Variants in LAMA5 observed in about 807,000 individuals in gnomAD.
The protein encoded by LAMA5 is laminin subunit alpha 5.
A neutral mutation model predicts 433.4 loss-of-function variants in LAMA5; 260 were observed. The ratio of observed to expected loss-of-function variants is 0.60; its 90% CI spans 0.54 to 0.66. The LOEUF (loss-of-function observed/expected upper bound fraction) is 0.66. Ranked by LOEUF, LAMA5 falls within the 30% of genes least tolerant of loss-of-function variation. The pLI is 0.00. For synonymous variants in LAMA5, 2,620 were observed against 2,226.6 expected, an observed-to-expected ratio of 1.18 and a Z score of -4.97; for missense variants, 5,378 against 5,258.5, an observed-to-expected ratio of 1.02 and a Z score of -0.70.
Position 62,311,280 on chromosome 20 carries a change from G to C in LAMA5, c.9970C>G (p.Arg3324Gly), listed in dbSNP as rs115237398. The change falls in exon 73 of 80, where the codon CGG (arginine) becomes GGG (glycine). Residue 3324 changes from arginine (R) to glycine (G), a missense_variant. Coordinates refer to ENST00000252999, the MANE Select transcript of LAMA5 (RefSeq NM_005560.6). ...KASRRSRQPA[R>G]HPACMLPPHL... Reference sequence around the variant, plus strand: ...GGGGGCAGCATGCAGGCAGGATGCCGGGCGGGCTGACGGCTGCGGCGGGAG... The same window carrying C: ...GGGGGCAGCATGCAGGCAGGATGCCCGGCGGGCTGACGGCTGCGGCGGGAG... 1.3e-6 allele frequency: 2 copies of C among 1,597,084 alleles called. No homozygotes were observed. Among genetic ancestry groups the C allele is most frequent in the African/African-American group, 1.3e-5 (1 of 74,230 alleles).
intron 2 of LAMA5, 44 bp from the exon 3 acceptor site, chr20:62,353,295 TC>T: frequency 7.3e-7 from 1 of 1,361,400 alleles, no homozygotes; most frequent in Non-Finnish European, 1.0e-6. Flanking sequence ...GCGCCTGGAT[TC>T]CCATGCTCCC....
chr20:62,339,981 T>C (rs1224463188), intron 11 of LAMA5, among the ~76,000 whole-genome samples: 1 of 151,964 alleles, frequency 6.6e-6, no homozygotes, highest in Non-Finnish European at 1.5e-5. Context: ...CTCAGACAGG[T>C]GGTAAACCGA....
intron 53 of LAMA5, 34 bp from the exon 54 acceptor site, chr20:62,317,812 G>A: frequency 7.5e-7 from 1 of 1,330,146 alleles, no homozygotes; most frequent in East Asian, 2.8e-5. Context: ...GGGACAATGA[G>A]GGGTAAGAAA....
In LAMA5 at chr20:62,347,103, G is replaced by A. The variant is rs558524862; in HGVS notation, c.957-75C>T. On this transcript the variant is annotated intron_variant, in intron 6 of 79. Coordinates refer to ENST00000252999, the MANE Select transcript of LAMA5 (RefSeq NM_005560.6). ...CAGGTGCTCAGTCCCTTCCCTGAAG[G>A]GGCCTGTGATCCCCTCGATGGCTTG... 2.4e-5 allele frequency: 28 copies of A among 1,155,124 alleles called. 1 individual carries two copies. In the African/African-American group the frequency reaches 3.9e-4, roughly 16 times the overall value. 71.6% of individuals were successfully genotyped at this position (1,155,124 alleles called of 1,614,324 possible).
rs376504675 is a variant in LAMA5, at chr20:62,330,753, C to T, written c.3842G>A (p.Arg1281His). The change falls in exon 30 of 80, where the codon CGT becomes CAT. Residue 1281 changes from arginine (R) to histidine (H), a missense_variant. Transcript: ENST00000252999. ...VDPDAEPTLL[R>H]EPQATVVFTT... ...GACTATGGCCCTCACCTGGGGCTCACGCAGCAGGGTGGGCTCTGCATCAGG... is the reference window on the plus strand; with the variant it reads ...GACTATGGCCCTCACCTGGGGCTCATGCAGCAGGGTGGGCTCTGCATCAGG... 1.6e-4 allele frequency: 242 copies of T among 1,560,828 alleles called. No homozygotes were observed. The highest frequency in any genetic ancestry group is 1.9e-4 in the Non-Finnish European group (221 of 1,153,300).
At position 62,322,875 on chromosome 20, in the gene LAMA5, G is replaced by A. The variant is rs560199306; in HGVS notation, c.6065-117C>T. On this transcript the variant is annotated intron_variant, in intron 45 of 79. Coordinates refer to ENST00000252999, the MANE Select transcript of LAMA5 (RefSeq NM_005560.6). ...CTGCTGTGTCTCCTCCAGGCCGCCC[G>A]GACCACCCGGCTACCCACTCGTGTC... is the stretch of plus-strand genomic sequence containing the variant. 766 of 646,550 alleles carry A rather than the reference G, an allele frequency of 1.2e-3. 2 individuals are homozygous for A. The highest frequency in any genetic ancestry group is 1.9e-3 in the South Asian group (90 of 46,900). The allele number at this position is 646,550 out of a possible 1,614,324, so 40.1% of individuals were successfully genotyped here.
In LAMA5 at chr20:62,312,628, T is replaced by C; in HGVS notation, c.9227+4A>G. The C allele has an allele frequency of 1.2e-6, 2 of 1,604,890 alleles. No homozygotes were observed. Among genetic ancestry groups the C allele is most frequent in the Non-Finnish European group, 1.7e-6 (2 of 1,177,128 alleles). ...TCGGAGCCCCAGCTGCGCACAGTGCTTACCTCGGGGGCAGCTGGTCGGGCG... is the reference window on the plus strand; with the variant it reads ...TCGGAGCCCCAGCTGCGCACAGTGCCTACCTCGGGGGCAGCTGGTCGGGCG... On this transcript the variant is annotated splice_donor_region_variant and intron_variant, in intron 67 of 79. Coordinates refer to ENST00000252999, the MANE Select transcript of LAMA5 (RefSeq NM_005560.6).
At chr20:62,355,683 G>A (rs542842991) in intron 2 of LAMA5, among the ~76,000 whole-genome samples, 44 of 152,248 alleles carry the variant, frequency 2.9e-4, no homozygotes, top group African/African-American at 1.0e-3. Flanking sequence ...GCCCTGCCCA[G>A]CAGGGAGGGG....
rs759901114 is a variant in LAMA5 at position 62,345,798 on chromosome 20, G to T, written c.1477+20C>A. ...GGCTCCAGGGCAGGCCGGGGACCTG[G>T]GGGCCTCAAGGACACTTACTCACAA... On this transcript the variant is annotated intron_variant, in intron 11 of 79. Transcript: ENST00000252999. 6.5e-7 allele frequency: 1 copy of T among 1,543,286 alleles called. No individual in the cohort carries two copies. The highest frequency in any genetic ancestry group is 8.8e-7 in the Non-Finnish European group (1 of 1,141,204).
chr20:62,322,323 G>C lies in LAMA5; in HGVS notation c.6292C>G (p.Gln2098Glu). Reference protein sequence around the residue: ...CHCRPGTMGPQCRECAPGYWG... With the variant: ...CHCRPGTMGPECRECAPGYWG... Reference sequence around the variant, plus strand: ...TAGCCAGGGGCACACTCGCGGCACTGGGGTCCCATGGTCCCTGGTCGGCAG... The same window carrying C: ...TAGCCAGGGGCACACTCGCGGCACTCGGGTCCCATGGTCCCTGGTCGGCAG... Residue 2098 changes from glutamine (Q) to glutamate (E), a missense_variant, in exon 47 of 80, where the codon CAG becomes GAG. By Grantham distance (29) the Gln-to-Glu change is conservative. Transcript: ENST00000252999. 1 of 1,599,692 alleles carries C rather than the reference G, an allele frequency of 6.3e-7. No individual in the cohort carries two copies. The highest frequency in any genetic ancestry group is 8.5e-7 in the Non-Finnish European group (1 of 1,175,032).
intron 31 of LAMA5, 37 bp from the exon 32 acceptor site, chr20:62,329,953 T>C (rs1318963739): frequency 6.2e-7 from 1 of 1,601,148 alleles, no homozygotes; most frequent in East Asian, 2.2e-5. Flanking sequence ...GGCCCCCATC[T>C]CTAGCGCCCC....
At chr20:62,335,958 C>T (rs555921636) in intron 18 of LAMA5, among the ~76,000 whole-genome samples, 1 of 116,660 alleles carries the variant, frequency 8.6e-6, no homozygotes, top group Non-Finnish European at 1.8e-5. Context: ...TCATGGGTGC[C>T]ATCCCCTGAG....
chr20:62,316,693 C>G lies in LAMA5; in HGVS notation c.7734G>C (p.Gln2578His), dbSNP rs757970950. ...NSTALEEAML[Q>H]EQQRLGLVWA... is the part of the protein sequence containing the mutation. ...CACCAAGGCCCAGCCTCTGCTGTTC[C>G]TGGAGCATGGCCTCTTCTAGTGCAG... Residue 2578 changes from glutamine to histidine, a missense_variant, in exon 57 of 80, where the codon CAG (glutamine) becomes CAC (histidine). Gln to His is a conservative substitution (Grantham distance 24). Transcript: ENST00000252999. 2 of 1,606,050 alleles carry G rather than the reference C, an allele frequency of 1.2e-6. No homozygotes were observed. Among genetic ancestry groups the G allele is most frequent in the Admixed American group, 3.3e-5 (2 of 59,754 alleles).
chr20:62,341,826 C>CAAAAAAAAAAAAAAAAAAAAAAAAAAA (rs11466846), intron 11 of LAMA5, among the ~76,000 whole-genome samples: 2 of 128,154 alleles, frequency 1.6e-5, no homozygotes, highest in African/African-American at 3.8e-5. Context: ...TCTGATCAAC[C>CAAAAAAAAAAAAAAAAAAAAAAAAAAA]AAAAAAAAAA....
At position 62,323,460 on chromosome 20, in the gene LAMA5, G is replaced by GCAGTTGC. The variant is rs1343373192; in HGVS notation, c.6053_6059dup (p.Cys2020TrpfsTer35). ...CCCTCCCAGCCCGACGCCTACGGGTGCAGTTGCCGGGCAGCAGGGCGTTGC... is the reference window on the plus strand; with the variant it reads ...CCCTCCCAGCCCGACGCCTACGGGTGCAGTTGCCAGTTGCCGGGCAGCAGGGCGTTGC... On this transcript the variant is annotated frameshift_variant, in exon 45 of 80. Transcript: ENST00000252999. LOFTEE classifies it high-confidence loss of function. 6.5e-7 allele frequency: 1 copy of GCAGTTGC among 1,539,488 alleles called. No homozygotes were observed. Among genetic ancestry groups the GCAGTTGC allele is most frequent in the South Asian group, 1.2e-5 (1 of 83,630 alleles).
In LAMA5 at chr20:62,326,969, G is replaced by C; in HGVS notation, c.5113-3C>G. ...AGGGTCCCACCGTAGGATGACACCT[G>C]GAGGCAGGACAGACAGAGGTGACCT... On this transcript the variant is annotated splice_region_variant and splice_polypyrimidine_tract_variant and intron_variant, in intron 38 of 79. Coordinates refer to ENST00000252999, the MANE Select transcript of LAMA5 (RefSeq NM_005560.6). The C allele has an allele frequency of 6.3e-7, 1 of 1,596,982 alleles. No individual in the cohort carries two copies. The highest frequency in any genetic ancestry group is 8.6e-7 in the Non-Finnish European group (1 of 1,167,952).
chr20:62,327,141 C>G, intron 38 of LAMA5, 92 bp downstream of exon 38: 2 of 1,311,004 alleles, frequency 1.5e-6, no homozygotes, highest in African/African-American at 1.5e-5. Flanking sequence ...GGAGCTCCCC[C>G]TCCCTGGACA....
chr20:62,342,252 G>A (rs190400099), intron 11 of LAMA5: 64 of 316,304 alleles, frequency 2.0e-4, no homozygotes, highest in East Asian at 1.2e-3. Context: ...GAAGTGAGCC[G>A]AGATCGTGCA....
intron 48 of LAMA5, among the ~76,000 whole-genome samples, chr20:62,321,750 A>AGGGGTGGGGCCAGTGGG (rs1987831856): frequency 6.3e-4 from 2 of 3,182 alleles, no homozygotes; most frequent in South Asian, 8.5e-3. Flanking sequence ...GGGCCAGTGG[A>AGGGGTGGGGCCAGTGGG]GGGGTGGGGT....
Sources: gnomAD v4.1 joint callset for allele counts (sites outside exome capture counted in the v4.1 genomes callset) on GRCh38, gnomAD v4.1.1 for gene constraint, MANE v1.5 for transcripts, NCBI Gene and HGNC (gene_info 2026-07-23, HGNC 2026-07-21) for gene names.